The following SND1 variants were observed in gnomAD, a reference collection of about 807,000 sequenced individuals.
SND1 encodes staphylococcal nuclease domain-containing protein 1.
Under a neutral mutation model 121.7 loss-of-function variants are expected in SND1, and 38 were observed. That is an observed-to-expected ratio of 0.31 (90% CI 0.24 to 0.41). The LOEUF (loss-of-function observed/expected upper bound fraction) is 0.41, where lower values mean the gene tolerates loss of function less well. Among genes scored for constraint, SND1 ranks in the 10% least tolerant of loss-of-function variants. The probability of loss-of-function intolerance (pLI) is 1.00; values close to 1 mark genes in which losing one functional copy is unlikely to be tolerated. For missense variants in SND1, 868 were observed against 1,184.6 expected, an observed-to-expected ratio of 0.73 and a Z score of 3.92; for synonymous variants, 401 against 447.4, an observed-to-expected ratio of 0.90 and a Z score of 1.31.
intron 16 of SND1, among the ~76,000 whole-genome samples, chr7:128,001,863 G>A (rs937225908): frequency 2.6e-5 from 4 of 152,180 alleles, no homozygotes; most frequent in East Asian, 1.9e-4. Context: ...CCCAGGAGGC[G>A]GAGGTTGCGG....
At chr7:127,855,101 C>T (rs1408386040) in intron 12 of SND1, among the ~76,000 whole-genome samples, 14 of 150,992 alleles carry the variant, frequency 9.3e-5, no homozygotes, top group Admixed American at 9.2e-4. Context: ...CTAAGGCAAA[C>T]TATTGTTGAT....
At chr7:128,081,722 C>T (rs1326459473) in intron 18 of SND1, 1 of 629,750 alleles carries the variant, frequency 1.6e-6, no homozygotes, top group Non-Finnish European at 2.9e-6. Context: ...CTGGCTTGGG[C>T]TCAGGCATGG....
intron 15 of SND1, among the ~76,000 whole-genome samples, chr7:127,945,490 C>CA (rs578192207): frequency 0.011 from 1,501 of 142,720 alleles, 13 homozygotes; most frequent in Non-Finnish European, 0.015. Flanking sequence ...GACTCCATCT[C>CA]AAAAAAAAAA....
chr7:127,912,392 T>C lies in SND1; in HGVS notation c.1527+7573T>C, dbSNP rs748765781. 7.0e-4 allele frequency among the ~76,000 whole-genome samples: 107 copies of C among 152,330 alleles called. 1 individual carries two copies. Among genetic ancestry groups the C allele is most frequent in the Admixed American group, 9.8e-4 (15 of 15,304 alleles). ...GGAGGGCACCCAATTTAGGACATGG[T>C]TTCTCACTTCTCTTATTTAGCTTCA... On this transcript the variant is annotated intron_variant, in intron 14 of 23. Coordinates refer to ENST00000354725, the MANE Select transcript of SND1 (RefSeq NM_014390.4).
At chr7:127,702,548 C>T (rs768977467) in intron 6 of SND1, 22 bp downstream of exon 6, 10 of 1,597,126 alleles carry the variant, frequency 6.3e-6, no homozygotes, top group South Asian at 2.2e-5. Context: ...CTCTTGGCTA[C>T]GTGGTGGGTT....
At chr7:127,986,965 G>A (rs1163570879) in intron 15 of SND1, among the ~76,000 whole-genome samples, 2 of 152,250 alleles carry the variant, frequency 1.3e-5, no homozygotes, top group Admixed American at 6.5e-5. Flanking sequence ...AAAGGCTTGT[G>A]TCAGAGGTAA....
intron 1 of SND1, among the ~76,000 whole-genome samples, chr7:127,679,473 G>A (rs1795672969): frequency 6.6e-6 from 1 of 151,878 alleles, no homozygotes; most frequent in Admixed American, 6.6e-5. Flanking sequence ...CCATAAAGTT[G>A]ACACTTTTAA....
intron 16 of SND1, among the ~76,000 whole-genome samples, chr7:128,056,933 G>A (rs1472293226): frequency 6.6e-6 from 1 of 152,144 alleles, no homozygotes; most frequent in Non-Finnish European, 1.5e-5. Context: ...CACAAGTACT[G>A]TAATTCCATG....
At chr7:127,770,578 C>T (rs1032818647) in intron 10 of SND1, among the ~76,000 whole-genome samples, 5 of 152,190 alleles carry the variant, frequency 3.3e-5, no homozygotes, top group African/African-American at 9.6e-5. Context: ...GTTACTTGTA[C>T]AAGGTCTAAT....
chr7:127,922,190 T>TTTTTG (rs1800726486), intron 14 of SND1, among the ~76,000 whole-genome samples: 2 of 100,662 alleles, frequency 2.0e-5, no homozygotes, highest in Non-Finnish European at 4.3e-5. Flanking sequence ...TTTTTTTTTT[T>TTTTTG]TTTTTTTTTT....
chr7:127,987,756 G>A (rs182060405), intron 15 of SND1, among the ~76,000 whole-genome samples: 39 of 142,662 alleles, frequency 2.7e-4, no homozygotes, highest in Admixed American at 4.9e-4. Context: ...TGTCATAGCC[G>A]TTTTGTTTTT....
chr7:127,857,988 C>G, intron 12 of SND1: 1 of 1,451,746 alleles, frequency 6.9e-7, no homozygotes, highest in East Asian at 2.3e-5. Flanking sequence ...AGGGCCCATG[C>G]AGCTCGGCAT....
chr7:128,030,488 C>G (rs762943168), intron 16 of SND1: 1 of 1,613,448 alleles, frequency 6.2e-7, no homozygotes. Context: ...GGTTACTGCA[C>G]GAGCAGACGG....
At chr7:127,855,456 T>TA (rs201987924) in intron 12 of SND1, among the ~76,000 whole-genome samples, 2,942 of 152,234 alleles carry the variant, frequency 0.019, 51 homozygotes, top group Middle Eastern at 0.041. Context: ...AGGTCTGAGG[T>TA]AAAAAACTCA....
intron 16 of SND1, among the ~76,000 whole-genome samples, chr7:128,071,389 CAAAAT>C (rs1413708781): frequency 1.3e-5 from 2 of 152,128 alleles, no homozygotes; most frequent in African/African-American, 4.8e-5. Context: ...CTCTATAGAA[CAAAAT>C]TACCATAAAT....
intron 16 of SND1, among the ~76,000 whole-genome samples, chr7:128,010,951 G>T (rs1041320259): frequency 6.6e-6 from 1 of 152,196 alleles, no homozygotes. Context: ...GACGCCCTCA[G>T]CAGAGGTATT....
At position 127,695,933 on chromosome 7, in the gene SND1, T is replaced by G. The variant is rs1016413224; in HGVS notation, c.349+985T>G. 3.9e-5 allele frequency among the ~76,000 whole-genome samples: 6 copies of G among 152,128 alleles called. No individual in the cohort carries two copies. In the East Asian group the frequency reaches 1.2e-3, roughly 29 times the overall value. On this transcript the variant is annotated intron_variant, in intron 3 of 23. Coordinates refer to ENST00000354725, the MANE Select transcript of SND1 (RefSeq NM_014390.4). ...CATGGGATATTAGATGTTCTGGGCT[T>G]TTTGGATTAGGTAGTAAGAGAATAA...
chr7:127,985,197 C>A (rs3757762), intron 15 of SND1, among the ~76,000 whole-genome samples: 10,138 of 152,200 alleles, frequency 0.067, 426 homozygotes, highest in Middle Eastern at 0.19. Context: ...CATAGCTGCC[C>A]GAGGCTGTCT....
intron 16 of SND1, among the ~76,000 whole-genome samples, chr7:128,061,800 T>G (rs1793235285): frequency 6.6e-6 from 1 of 152,260 alleles, no homozygotes; most frequent in Non-Finnish European, 1.5e-5. Context: ...TAGCTTTTAC[T>G]CACAGGCTTT....
Sources: gnomAD v4.1 joint callset for allele counts (sites outside exome capture counted in the v4.1 genomes callset) on GRCh38, gnomAD v4.1.1 for gene constraint, MANE v1.5 for transcripts, NCBI Gene and HGNC (gene_info 2026-07-23, HGNC 2026-07-21) for gene names.